Variants in HSPA4 observed in about 807,000 individuals in gnomAD.
HSPA4 encodes heat shock protein family A (Hsp70) member 4.
HSPA4 carries 25 observed loss-of-function variants against 106.2 expected under a neutral mutation model. The observed-to-expected ratio is 0.24, with a 90% CI of 0.17 to 0.33. HSPA4 has a LOEUF of 0.33. Ranked by LOEUF, HSPA4 falls within the 10% of genes least tolerant of loss-of-function variation. The pLI is 1.00. For synonymous variants in HSPA4, 332 were observed against 333.6 expected, an observed-to-expected ratio of 1.00 and a Z score of 0.05; for missense variants, 841 against 996.0, an observed-to-expected ratio of 0.84 and a Z score of 2.10.
intron 7 of HSPA4, among the ~76,000 whole-genome samples, chr5:133,080,314 C>T (rs1006257222): frequency 6.9e-6 from 1 of 145,274 alleles, no homozygotes; most frequent in South Asian, 2.2e-4. Flanking sequence ...ACTCGGGAGG[C>T]GGAGGTGGGA....
intron 7 of HSPA4, among the ~76,000 whole-genome samples, chr5:133,083,549 T>C (rs1765540868): frequency 1.3e-5 from 2 of 152,078 alleles, no homozygotes; most frequent in South Asian, 2.1e-4. Flanking sequence ...ATTATTATTA[T>C]TTTTTGAGAT....
At chr5:133,087,721 TA>T (rs1765596127) in intron 8 of HSPA4, among the ~76,000 whole-genome samples, 1 of 152,222 alleles carries the variant, frequency 6.6e-6, no homozygotes, top group South Asian at 2.1e-4. Flanking sequence ...CCTCCTGGGT[TA>T]AAGCAATTCT....
chr5:133,057,958 A>G (rs914718600), intron 1 of HSPA4, among the ~76,000 whole-genome samples: 5 of 152,246 alleles, frequency 3.3e-5, no homozygotes, highest in African/African-American at 9.6e-5. Flanking sequence ...TGTGATACAG[A>G]CCTAAAATAC....
intron 1 of HSPA4, among the ~76,000 whole-genome samples, chr5:133,064,463 G>A (rs1360672588): frequency 2.0e-5 from 3 of 151,966 alleles, no homozygotes; most frequent in African/African-American, 4.8e-5. Flanking sequence ...CTGAGATAGG[G>A]CCACTGCAGT....
chr5:133,093,447 G>GA (rs1362320845), intron 13 of HSPA4, among the ~76,000 whole-genome samples: 2 of 151,982 alleles, frequency 1.3e-5, no homozygotes, highest in Admixed American at 6.6e-5. Context: ...TAATGAAACT[G>GA]AAAAAATTTT....
rs1054439052 is a variant in HSPA4, at chr5:133,052,097, C to G, written c.-154C>G. On this transcript the variant is annotated 5_prime_UTR_variant, in exon 1 of 19. Coordinates refer to ENST00000304858, the MANE Select transcript of HSPA4 (RefSeq NM_002154.4). ...CTGAGCAGCGCTCTCGGTTGCAGTA[C>G]CCACTGGAAGGACTTAGGCGCTCGC... 1.7e-5 allele frequency: 10 copies of G among 591,754 alleles called. No individual in the cohort carries two copies. Among genetic ancestry groups the G allele is most frequent in the African/African-American group, 1.5e-4 (8 of 51,908 alleles). 36.7% of individuals were successfully genotyped at this position (591,754 alleles called of 1,614,324 possible). A position where few individuals can be genotyped will look rare whatever the true frequency, so the allele number is the denominator to read the frequency against.
At chr5:133,059,416 C>T (rs112537588) in intron 1 of HSPA4, among the ~76,000 whole-genome samples, 17 of 150,792 alleles carry the variant, frequency 1.1e-4, no homozygotes, top group African/African-American at 4.2e-4. Flanking sequence ...CCATTGCATC[C>T]AGCCTGGGTG....
chr5:133,058,691 A>C (rs563942052), intron 1 of HSPA4, among the ~76,000 whole-genome samples: 1 of 151,094 alleles, frequency 6.6e-6, no homozygotes, highest in African/African-American at 2.4e-5. Context: ...AACCCCAAAA[A>C]CAAAACCAAA....
intron 15 of HSPA4, among the ~76,000 whole-genome samples, chr5:133,098,654 A>G (rs1765745646): frequency 6.7e-6 from 1 of 149,856 alleles, no homozygotes; most frequent in African/African-American, 2.5e-5. Flanking sequence ...TCATTGGTTG[A>G]TGGGTACTTA....
intron 3 of HSPA4, among the ~76,000 whole-genome samples, chr5:133,069,274 C>A (rs1418663975): frequency 6.7e-6 from 1 of 149,386 alleles, no homozygotes; most frequent in Non-Finnish European, 1.5e-5. Flanking sequence ...TTTTTTGAGA[C>A]AATATCACTG....
At chr5:133,088,578 G>A (rs1371798069) in intron 9 of HSPA4, 23 bp downstream of exon 9, 2 of 1,594,242 alleles carry the variant, frequency 1.3e-6, no homozygotes, top group Non-Finnish European at 1.7e-6. Context: ...TCTTTTATAG[G>A]TAACCATTTA....
At chr5:133,085,672 T>C (rs1765570177) in intron 7 of HSPA4, among the ~76,000 whole-genome samples, 1 of 150,776 alleles carries the variant, frequency 6.6e-6, no homozygotes, top group Non-Finnish European at 1.5e-5. Flanking sequence ...AAAAAAGCCC[T>C]GCCGCCCCCG....
chr5:133,071,129 G>A (rs1765375701), intron 4 of HSPA4, among the ~76,000 whole-genome samples: 1 of 151,718 alleles, frequency 6.6e-6, no homozygotes, highest in African/African-American at 2.4e-5. Context: ...ATTGTAAATG[G>A]CACTTGTTCT....
intron 16 of HSPA4, among the ~76,000 whole-genome samples, chr5:133,100,982 T>A (rs1765777821): frequency 6.6e-6 from 1 of 152,142 alleles, no homozygotes; most frequent in Admixed American, 6.5e-5. Flanking sequence ...TTTTAATTTT[T>A]TTTGTAGGGA....
chr5:133,054,345 G>A (rs1765132326), intron 1 of HSPA4, among the ~76,000 whole-genome samples: 1 of 152,086 alleles, frequency 6.6e-6, no homozygotes, highest in Non-Finnish European at 1.5e-5. Context: ...TGGGATTACA[G>A]GTGTGCGCCA....
intron 7 of HSPA4, among the ~76,000 whole-genome samples, chr5:133,079,824 A>G (rs539980682): frequency 1.8e-4 from 28 of 152,240 alleles, no homozygotes; most frequent in Non-Finnish European, 3.2e-4. Context: ...GTGTTAATTC[A>G]TCGTTTTGAT....
At chr5:133,083,335 G>T (rs1187625876) in intron 7 of HSPA4, among the ~76,000 whole-genome samples, 1 of 151,832 alleles carries the variant, frequency 6.6e-6, no homozygotes, top group African/African-American at 2.4e-5. Flanking sequence ...AACCCCTACC[G>T]CTGTTGCCAT....
At chr5:133,078,186 G>A (rs1307515497) in intron 7 of HSPA4, among the ~76,000 whole-genome samples, 1 of 152,054 alleles carries the variant, frequency 6.6e-6, no homozygotes, top group Non-Finnish European at 1.5e-5. Flanking sequence ...CAAGAAATTA[G>A]CCGGGTATGG....
At chr5:133,054,009 C>G (rs926244780) in intron 1 of HSPA4, among the ~76,000 whole-genome samples, 13 of 152,028 alleles carry the variant, frequency 8.6e-5, no homozygotes, top group African/African-American at 3.1e-4. Context: ...ATTTTTGTCA[C>G]ATTTCTTCAG....
Sources: allele counts gnomAD v4.1 joint callset (sites outside exome capture counted in the v4.1 genomes callset), GRCh38; gene constraint gnomAD v4.1.1; transcripts MANE v1.5; gene names NCBI Gene and HGNC (gene_info 2026-07-23, HGNC 2026-07-21).